CDH13: variants seen among roughly 807,000 people sequenced by gnomAD.
CDH13 encodes cadherin 13.
In CDH13, 24 loss-of-function variants were observed where a neutral mutation model predicts 63.8. The observed-to-expected ratio is 0.38, with a 90% CI of 0.27 to 0.53. CDH13 has a LOEUF of 0.53. CDH13 is among the 20% of genes least tolerant of loss of function. CDH13 has a pLI of 0.85. For synonymous variants in CDH13, 503 were observed against 355.3 expected, an observed-to-expected ratio of 1.42 and a Z score of -4.67; for missense variants, 1,049 against 903.1, an observed-to-expected ratio of 1.16 and a Z score of -2.07.
chr16:82,628,523 A>T (rs1907629961), intron 1 of CDH13, among the ~76,000 whole-genome samples: 1 of 152,092 alleles, frequency 6.6e-6, no homozygotes, highest in Non-Finnish European at 1.5e-5. Context: ...GTGATGGGTG[A>T]TAGTACCAGG....
chr16:82,873,376 C>T (rs977640453), intron 2 of CDH13, among the ~76,000 whole-genome samples: 1 of 152,200 alleles, frequency 6.6e-6, no homozygotes, highest in African/African-American at 2.4e-5. Flanking sequence ...GTGTTACAAT[C>T]CTCTGACTCC....
chr16:83,497,596 G>A (rs1424228041), intron 7 of CDH13, among the ~76,000 whole-genome samples: 1 of 151,966 alleles, frequency 6.6e-6, no homozygotes, highest in African/African-American at 2.4e-5. Flanking sequence ...CACCAGCATG[G>A]CACATGTATA....
intron 1 of CDH13, among the ~76,000 whole-genome samples, chr16:82,830,171 C>T (rs373983026): frequency 3.3e-5 from 5 of 152,302 alleles, no homozygotes; most frequent in African/African-American, 7.2e-5. Context: ...ATTCTGTCCA[C>T]GTGTGAAACT....
intron 7 of CDH13, among the ~76,000 whole-genome samples, chr16:83,503,318 C>T (rs1342739566): frequency 2.0e-5 from 3 of 152,174 alleles, no homozygotes; most frequent in African/African-American, 7.2e-5. Context: ...ATTAGGAAAG[C>T]CTTGAGTTTG....
intron 2 of CDH13, among the ~76,000 whole-genome samples, chr16:82,961,353 G>T (rs1294209440): frequency 1.3e-5 from 2 of 152,068 alleles, no homozygotes; most frequent in Non-Finnish European, 2.9e-5. Context: ...CTATGGTTCT[G>T]GGGAAATGGA....
chr16:82,639,892 G>T (rs2150884929), intron 1 of CDH13, among the ~76,000 whole-genome samples: 1 of 152,348 alleles, frequency 6.6e-6, no homozygotes, highest in South Asian at 2.1e-4. Context: ...ACCACTGTGT[G>T]CACCGTCCCG....
chr16:83,255,135 A>G (rs1056251465), intron 5 of CDH13, among the ~76,000 whole-genome samples: 3 of 152,182 alleles, frequency 2.0e-5, no homozygotes, highest in Admixed American at 1.3e-4. Flanking sequence ...TAATAAAAAA[A>G]TACTGACTCT....
chr16:82,898,600 G>A (rs931327131), intron 2 of CDH13, among the ~76,000 whole-genome samples: 9 of 152,144 alleles, frequency 5.9e-5, no homozygotes, highest in African/African-American at 2.2e-4. Context: ...ATAGATAGTG[G>A]TCTAAAAGTC....
intron 7 of CDH13, among the ~76,000 whole-genome samples, chr16:83,564,024 G>T (rs1415350120): frequency 6.6e-6 from 1 of 152,128 alleles, no homozygotes; most frequent in Non-Finnish European, 1.5e-5. Context: ...TGCAAAATGG[G>T]GATGTAGTAC....
intron 2 of CDH13, among the ~76,000 whole-genome samples, chr16:82,977,794 A>G (rs962324253): frequency 1.3e-5 from 2 of 152,204 alleles, no homozygotes; most frequent in South Asian, 2.1e-4. Context: ...AGGCAGAGGT[A>G]GGAACAGTTT....
At chr16:83,417,620 C>A (rs1216438498) in intron 6 of CDH13, among the ~76,000 whole-genome samples, 1 of 152,088 alleles carries the variant, frequency 6.6e-6, no homozygotes, top group Non-Finnish European at 1.5e-5. Context: ...CTTCAGCAGG[C>A]AAGACAAATA....
intron 2 of CDH13, among the ~76,000 whole-genome samples, chr16:83,001,130 C>T (rs940964251): frequency 2.0e-5 from 3 of 152,198 alleles, no homozygotes; most frequent in Admixed American, 6.5e-5. Flanking sequence ...TCTAGTAGAT[C>T]GTAAGTCCCT....
At chr16:82,784,341 G>A (rs918095544) in intron 1 of CDH13, among the ~76,000 whole-genome samples, 1 of 152,180 alleles carries the variant, frequency 6.6e-6, no homozygotes, top group Admixed American at 6.5e-5. Context: ...ACTGTGCCTG[G>A]AAGTGGCAGA....
chr16:82,712,149 A>G (rs1222833798), intron 1 of CDH13, among the ~76,000 whole-genome samples: 3 of 152,186 alleles, frequency 2.0e-5, no homozygotes, highest in Admixed American at 6.5e-5. Context: ...CCTTTCATCT[A>G]TTGAATGTTC....
intron 2 of CDH13, among the ~76,000 whole-genome samples, chr16:82,914,087 G>A (rs1322903315): frequency 1.3e-5 from 2 of 152,184 alleles, no homozygotes; most frequent in Non-Finnish European, 2.9e-5. Flanking sequence ...AGGAAGGGAC[G>A]TACAGAAACC....
chr16:83,092,332 A>G (rs534774325), intron 3 of CDH13, among the ~76,000 whole-genome samples: 2 of 152,342 alleles, frequency 1.3e-5, no homozygotes, highest in Non-Finnish European at 2.9e-5. Flanking sequence ...TTGTCTTCCT[A>G]GCATTTGATT....
intron 2 of CDH13, among the ~76,000 whole-genome samples, chr16:82,915,510 T>A (rs2041958759): frequency 6.6e-6 from 1 of 152,184 alleles, no homozygotes; most frequent in Non-Finnish European, 1.5e-5. Flanking sequence ...TTTTAGCCTC[T>A]GCTGAAATAC....
intron 5 of CDH13, among the ~76,000 whole-genome samples, chr16:83,321,047 A>C (rs992307324): frequency 6.6e-6 from 1 of 152,266 alleles, no homozygotes; most frequent in African/African-American, 2.4e-5. Context: ...ACTGAAGGTT[A>C]ATGAAACATT....
chr16:83,789,346 TG>T (rs68143433), intron 13 of CDH13, among the ~76,000 whole-genome samples: 5,654 of 147,656 alleles, frequency 0.038, 177 homozygotes, highest in African/African-American at 0.046. Context: ...TCTTTTTTTT[TG>T]TTTGTCTGTT....
Sources: gnomAD v4.1 joint callset for allele counts (sites outside exome capture counted in the v4.1 genomes callset) on GRCh38, gnomAD v4.1.1 for gene constraint, MANE v1.5 for transcripts, NCBI Gene and HGNC (gene_info 2026-07-23, HGNC 2026-07-21) for gene names.